The following GRIK4 variants were observed in gnomAD, a reference collection of about 807,000 sequenced individuals.
GRIK4 encodes glutamate ionotropic receptor kainate type subunit 4.
A neutral mutation model predicts 104.9 loss-of-function variants in GRIK4; 40 were observed. That is an observed-to-expected ratio of 0.38 (90% CI 0.30 to 0.50). The LOEUF is 0.50. GRIK4 is among the 20% of genes least tolerant of loss of function. The pLI is 0.93. For missense variants in GRIK4, 1,047 were observed against 1,308.1 expected (o/e 0.80, Z 3.08); for synonymous variants, 485 against 524.9 (o/e 0.92, Z 1.04).
At chr11:120,871,570 G>T (rs1380265314) in intron 9 of GRIK4, 2 of 456,170 alleles carry the variant, frequency 4.4e-6, no homozygotes, top group Non-Finnish European at 8.8e-6. Context: ...GTCCTTTGTT[G>T]CTTAGTCTTC....
intron 13 of GRIK4, among the ~76,000 whole-genome samples, chr11:120,931,839 T>C (rs550176198): frequency 7.0e-4 from 106 of 152,334 alleles, no homozygotes; most frequent in African/African-American, 2.4e-3. Context: ...GTCTGGTTCA[T>C]TGCATCCTCT....
intron 1 of GRIK4, among the ~76,000 whole-genome samples, chr11:120,563,166 G>C (rs1406906575): frequency 6.6e-6 from 1 of 152,178 alleles, no homozygotes; most frequent in Non-Finnish European, 1.5e-5. Context: ...TTCTCTATTA[G>C]ACATACTCGC....
chr11:120,721,542 A>G (rs1382334935), intron 3 of GRIK4, among the ~76,000 whole-genome samples: 3 of 152,126 alleles, frequency 2.0e-5, no homozygotes, highest in Non-Finnish European at 4.4e-5. Context: ...AAGAACCTTT[A>G]CTGTGGTTTC....
At chr11:120,821,146 G>T (rs1264465998) in intron 6 of GRIK4, among the ~76,000 whole-genome samples, 2 of 152,362 alleles carry the variant, frequency 1.3e-5, no homozygotes, top group South Asian at 2.1e-4. Context: ...CCCTGCAGTG[G>T]ATGCAGAGAA....
rs558583353 is a variant in GRIK4 at position 120,617,342 on chromosome 11, A to G, written c.-158-36343A>G. On this transcript the variant is annotated intron_variant, in intron 1 of 20. Coordinates refer to ENST00000527524, the MANE Select transcript of GRIK4 (RefSeq NM_014619.5). ...AGAAGATTAATAGTTCATGACTGGG[A>G]AAAGCTTTTTTATTTTATTTTATTT... Among the ~76,000 whole-genome samples the G allele has an allele frequency of 2.6e-5, 4 of 152,192 alleles. No homozygotes were observed. In the South Asian group the frequency reaches 8.3e-4, roughly 32 times the overall value.
At chr11:120,934,048 T>C (rs1943538525) in intron 13 of GRIK4, among the ~76,000 whole-genome samples, 1 of 151,524 alleles carries the variant, frequency 6.6e-6, no homozygotes, top group African/African-American at 2.4e-5. Flanking sequence ...ACTAAAAATA[T>C]AAAAAAATTA....
At chr11:120,526,310 C>T (rs76376676) in intron 1 of GRIK4, among the ~76,000 whole-genome samples, 4,221 of 152,202 alleles carry the variant, frequency 0.028, 107 homozygotes, top group Non-Finnish European at 0.039. Context: ...CCCTGGCACC[C>T]GCCCTCTCAC....
intron 3 of GRIK4, among the ~76,000 whole-genome samples, chr11:120,693,730 T>A (rs1255143983): frequency 6.6e-6 from 1 of 152,074 alleles, no homozygotes; most frequent in Non-Finnish European, 1.5e-5. Flanking sequence ...TTATCAGGAT[T>A]TGGCCATGGA....
intron 1 of GRIK4, among the ~76,000 whole-genome samples, chr11:120,540,441 C>CA (rs1948021590): frequency 6.6e-6 from 1 of 151,604 alleles, no homozygotes. Context: ...GCCAACATGG[C>CA]AAAACCCTGT....
At chr11:120,827,598 G>A (rs950500194) in intron 6 of GRIK4, among the ~76,000 whole-genome samples, 1 of 152,192 alleles carries the variant, frequency 6.6e-6, no homozygotes, top group Non-Finnish European at 1.5e-5. Flanking sequence ...AAGGTGAGGA[G>A]AATGACAATT....
At chr11:120,666,439 G>T (rs751920180) in intron 3 of GRIK4, among the ~76,000 whole-genome samples, 1 of 152,214 alleles carries the variant, frequency 6.6e-6, no homozygotes, top group African/African-American at 2.4e-5. Context: ...GTGTGGCGAC[G>T]CCTGGGGGCT....
chr11:120,761,871 G>C (rs147432551), intron 3 of GRIK4, among the ~76,000 whole-genome samples: 5 of 152,156 alleles, frequency 3.3e-5, no homozygotes. Context: ...ATAGTTTGAA[G>C]TCAGGTAGCA....
In GRIK4 at chr11:120,740,873, T is replaced by C. The variant is rs893194020; in HGVS notation, c.83-61820T>C. On this transcript the variant is annotated intron_variant, in intron 3 of 20. Coordinates refer to ENST00000527524, the MANE Select transcript of GRIK4 (RefSeq NM_014619.5). ...GCCCTCTCCTGGGTCATTCTCACCT[T>C]ACCATAGAGACGAGGCATGTTTATT... 2.0e-5 allele frequency among the ~76,000 whole-genome samples: 3 copies of C among 152,360 alleles called. No homozygotes were observed. In the South Asian group the frequency reaches 6.2e-4, roughly 32 times the overall value.
At chr11:120,665,288 A>G (rs938726312) in intron 3 of GRIK4, among the ~76,000 whole-genome samples, 12 of 152,192 alleles carry the variant, frequency 7.9e-5, no homozygotes, top group African/African-American at 2.6e-4. Flanking sequence ...ATGTTAGCAC[A>G]TGATTTGATT....
intron 1 of GRIK4, among the ~76,000 whole-genome samples, chr11:120,650,683 GTA>G (rs1376884391): frequency 2.0e-5 from 3 of 152,194 alleles, no homozygotes; most frequent in African/African-American, 7.2e-5. Flanking sequence ...GGCAGGGACT[GTA>G]TATATCCCAG....
intron 3 of GRIK4, among the ~76,000 whole-genome samples, chr11:120,787,487 C>T (rs974907274): frequency 6.7e-6 from 1 of 149,538 alleles, no homozygotes; most frequent in African/African-American, 2.5e-5. Flanking sequence ...TTTTTTGAGA[C>T]AGAGTCTGGC....
intron 4 of GRIK4, among the ~76,000 whole-genome samples, chr11:120,811,816 T>G (rs1004551775): frequency 6.6e-6 from 1 of 152,240 alleles, no homozygotes; most frequent in Non-Finnish European, 1.5e-5. Context: ...TTTTATATAC[T>G]TATTCCCTTA....
At chr11:120,534,272 G>GA (rs1335732165) in intron 1 of GRIK4, among the ~76,000 whole-genome samples, 1 of 152,244 alleles carries the variant, frequency 6.6e-6, no homozygotes, top group African/African-American at 2.4e-5. Context: ...GGGAGGACCA[G>GA]ATTGCAGAAG....
chr11:120,571,958 T>C (rs1340090306), intron 1 of GRIK4, among the ~76,000 whole-genome samples: 2 of 152,246 alleles, frequency 1.3e-5, no homozygotes, highest in Non-Finnish European at 2.9e-5. Flanking sequence ...ATCCTGTCTA[T>C]GTCAGCTGGA....
Sources: allele counts gnomAD v4.1 joint callset (sites outside exome capture counted in the v4.1 genomes callset), GRCh38; gene constraint gnomAD v4.1.1; transcripts MANE v1.5; gene names NCBI Gene and HGNC (gene_info 2026-07-23, HGNC 2026-07-21).